PIWIL1: variants seen among roughly 807,000 people sequenced by gnomAD.
The protein encoded by PIWIL1 is piwi like RNA-mediated gene silencing 1, also known as piwi-like protein 1.
PIWIL1 carries 73 observed loss-of-function variants against 114.4 expected under a neutral mutation model. The observed-to-expected ratio is 0.64, with a 90% CI of 0.53 to 0.78. The LOEUF (loss-of-function observed/expected upper bound fraction) is 0.78. PIWIL1 is among the 30% of genes least tolerant of loss of function. The pLI is 0.00. For synonymous variants in PIWIL1, 375 were observed against 369.0 expected, an observed-to-expected ratio of 1.02 and a Z score of -0.19; for missense variants, 723 against 1,063.1, an observed-to-expected ratio of 0.68 and a Z score of 4.45.
the PIWIL1 span, among the ~76,000 whole-genome samples, chr12:130,381,473 A>G: frequency 2.0e-5 from 3 of 152,212 alleles, no homozygotes; most frequent in Middle Eastern, 3.4e-3. Context: ...TGCATTTAAG[A>G]TTCCTCCGTG....
intron 1 of PIWIL1, chr12:130,342,373 C>T (rs548597760): frequency 3.5e-6 from 2 of 567,652 alleles, no homozygotes; most frequent in South Asian, 5.3e-5. Context: ...GGCCCTACTG[C>T]AGTGCCCAGT....
intron 7 of PIWIL1, 97 bp from the exon 8 acceptor site, chr12:130,349,135 CTTTATAG>C (rs1565943807): frequency 2.8e-6 from 2 of 713,914 alleles, no homozygotes; most frequent in African/African-American, 3.6e-5. Flanking sequence ...CATTCAGAAA[CTTTATAG>C]TTTAGACCCA....
the PIWIL1 span, chr12:130,398,187 G>A: frequency 4.5e-3 from 689 of 152,298 alleles, 2 homozygotes; most frequent in South Asian, 7.9e-3. Context: ...TACGTTAAGC[G>A]CTTAATAGTG....
chr12:130,354,468 C>G (rs970085065), intron 9 of PIWIL1, 69 bp from the exon 10 acceptor site: 5 of 1,590,492 alleles, frequency 3.1e-6, no homozygotes, highest in Admixed American at 3.5e-5. Flanking sequence ...AAAATGAAAC[C>G]CTTTTTGCCC....
At chr12:130,343,229 A>G in intron 3 of PIWIL1, 128 bp downstream of exon 3, 1 of 601,120 alleles carries the variant, frequency 1.7e-6, no homozygotes, top group East Asian at 2.9e-5. Flanking sequence ...TAATGTTGCC[A>G]CAACACACAA....
the PIWIL1 span, among the ~76,000 whole-genome samples, chr12:130,389,966 G>C: frequency 6.6e-6 from 1 of 152,124 alleles, no homozygotes; most frequent in East Asian, 1.9e-4. Flanking sequence ...TTCTAAGTTA[G>C]TGCCATTTGA....
rs1486013517 is a variant in PIWIL1 at position 130,337,988 on chromosome 12, G to C, written c.-171G>C. On this transcript the variant is annotated 5_prime_UTR_variant, in exon 1 of 21. Transcript: ENST00000245255. ...TGTTGCTCGCTGCCCGCGTGTCCCT[G>C]GCTCTCTCGGGAACCCAGCGCCGAA... The C allele has an allele frequency of 1.0e-4, 17 of 168,012 alleles. No individual in the cohort carries two copies. In the South Asian group the frequency reaches 2.4e-3, roughly 23 times the overall value. 10.4% of individuals were successfully genotyped at this position (168,012 alleles called of 1,614,324 possible).
chr12:130,378,519 T>C, the PIWIL1 span, among the ~76,000 whole-genome samples: 5 of 152,218 alleles, frequency 3.3e-5, no homozygotes, highest in African/African-American at 1.2e-4. Context: ...ATGGGAAGCA[T>C]GTCTGCAACT....
rs2073832257 is a variant in PIWIL1, at chr12:130,372,338, CTG to C, written c.*742_*743del. On this transcript the variant is annotated 3_prime_UTR_variant, in exon 21 of 21. Transcript: ENST00000245255. ...TGTGATTGTCACCTTATTTGAATAA[CTG>C]TAATTCTTGTTTTACTGAAAGTATG... 1.3e-5 allele frequency: 2 copies of C among 152,120 alleles called. No individual in the cohort carries two copies. The highest frequency in any genetic ancestry group is 4.8e-5 in the African/African-American group (2 of 41,424). 9.4% of individuals were successfully genotyped at this position (152,120 alleles called of 1,614,324 possible).
chr12:130,420,725 A>G, the PIWIL1 span, among the ~76,000 whole-genome samples: 1 of 152,336 alleles, frequency 6.6e-6, no homozygotes, highest in East Asian at 1.9e-4. The surrounding 1 kb of genome is among the most constrained non-coding windows in gnomAD (Gnocchi z 4.3). Context: ...GCAACAAGAC[A>G]ACCCAGGACA....
the PIWIL1 span, chr12:130,407,850 A>G: frequency 5.0e-6 from 8 of 1,597,224 alleles, no homozygotes; most frequent in South Asian, 6.6e-5. Flanking sequence ...CACAAGGGGG[A>G]AAGAAATCCA....
At chr12:130,422,545 G>A in the PIWIL1 span, 2 of 1,608,738 alleles carry the variant, frequency 1.2e-6, no homozygotes, top group Non-Finnish European at 1.7e-6. This position sits in a 1 kb window ranked among gnomAD's most constrained non-coding sequence, Gnocchi z 5.2. Context: ...TCCTGCAGAG[G>A]CTGGGTTCCC....
At chr12:130,409,382 G>A in the PIWIL1 span, among the ~76,000 whole-genome samples, 7 of 116,462 alleles carry the variant, frequency 6.0e-5, no homozygotes, top group Non-Finnish European at 1.1e-4. Context: ...TCGCTCTGTC[G>A]CCCAGGCTGG....
the PIWIL1 span, among the ~76,000 whole-genome samples, chr12:130,392,763 G>A: frequency 6.7e-6 from 1 of 148,990 alleles, no homozygotes; most frequent in Non-Finnish European, 1.5e-5. Context: ...GGTGAATATT[G>A]AATGTTGTGA....
the PIWIL1 span, among the ~76,000 whole-genome samples, chr12:130,421,640 C>T: frequency 4.0e-5 from 6 of 151,786 alleles, no homozygotes; most frequent in South Asian, 2.1e-4. Flanking sequence ...CAAACCAAGA[C>T]GGTTTCTCCT....
At chr12:130,407,602 T>A in the PIWIL1 span, 1 of 825,898 alleles carries the variant, frequency 1.2e-6, no homozygotes, top group Non-Finnish European at 2.1e-6. Flanking sequence ...TCGGCAGCCC[T>A]TCCTACGGAT....
At chr12:130,340,491 A>G (rs571284940) in intron 1 of PIWIL1, among the ~76,000 whole-genome samples, 1 of 151,450 alleles carries the variant, frequency 6.6e-6, no homozygotes, top group Non-Finnish European at 1.5e-5. Context: ...TAGGGTTCTC[A>G]CTCCTAGGAG....
the PIWIL1 span, among the ~76,000 whole-genome samples, chr12:130,389,255 T>G: frequency 6.6e-6 from 1 of 152,074 alleles, no homozygotes; most frequent in African/African-American, 2.4e-5. Flanking sequence ...GGGCTTATAA[T>G]TTTTTCATTT....
the PIWIL1 span, among the ~76,000 whole-genome samples, chr12:130,406,930 C>T: frequency 3.3e-5 from 5 of 152,202 alleles, no homozygotes; most frequent in Admixed American, 6.5e-5. Flanking sequence ...CGTAAGCCAC[C>T]GCACCCAGCC....
Sources: allele counts gnomAD v4.1 joint callset (sites outside exome capture counted in the v4.1 genomes callset), GRCh38; gene constraint gnomAD v4.1.1; non-coding constraint Gnocchi (gnomAD v3.1); transcripts MANE v1.5; gene names NCBI Gene and HGNC (gene_info 2026-07-23, HGNC 2026-07-21).